Variants in TGFA observed in about 807,000 individuals in gnomAD.
TGFA encodes the protein transforming growth factor alpha.
Under a neutral mutation model 21.7 loss-of-function variants are expected in TGFA, and 12 were observed. That is an observed-to-expected ratio of 0.55 (90% CI 0.35 to 0.90). The LOEUF is 0.90. Among genes scored for constraint, TGFA ranks in the 40% least tolerant of loss-of-function variants. The pLI, the probability that TGFA is intolerant of heterozygous loss-of-function variation, is 0.01. For missense variants in TGFA, 178 were observed against 210.8 expected, an observed-to-expected ratio of 0.84 and a Z score of 0.96; for synonymous variants, 79 against 88.1, an observed-to-expected ratio of 0.90 and a Z score of 0.58.
chr2:70,460,382 T>TA (rs67107612), intron 3 of TGFA, among the ~76,000 whole-genome samples: 58,090 of 150,694 alleles, frequency 0.39, 12,962 homozygotes, highest in African/African-American at 0.62. Context: ...ATACTTTTTT[T>TA]AAAAAAAAAA....
At chr2:70,509,329 C>T (rs1189081256) in intron 2 of TGFA, among the ~76,000 whole-genome samples, 3 of 152,194 alleles carry the variant, frequency 2.0e-5, no homozygotes, top group Non-Finnish European at 4.4e-5. Flanking sequence ...GGCTGACACA[C>T]GTTCTACCTG....
chr2:70,456,455 C>T lies in TGFA; in HGVS notation c.249G>A (p.Glu83=), dbSNP rs1553490568. ...CCACCACGGCCAGGAGGTCCGCATGCTCACAGCGTGCACCAACGTACCCAG... is the reference window on the plus strand; with the variant it reads ...CCACCACGGCCAGGAGGTCCGCATGTTCACAGCGTGCACCAACGTACCCAG... ...CHSGYVGARC[E]HADLLAVVAA... is the part of the protein sequence containing the mutation. The change falls in exon 4 of 6, where the codon GAG becomes GAA. Residue 83 remains glutamate (E), a synonymous_variant. Transcript: ENST00000295400. 1 of 1,608,162 alleles carries T rather than the reference C, an allele frequency of 6.2e-7. No individual in the cohort carries two copies.
Position 70,460,392 on chromosome 2 carries a change from A to AC in TGFA, c.216-3905dup, listed in dbSNP as rs35369270. On this transcript the variant is annotated intron_variant, in intron 3 of 5. Transcript: ENST00000295400. ...GTGACATACTTTTTTTAAAAAAAAAACTTCCCAAGCTTCTACTAATATTAG... is the reference window on the plus strand; with the variant it reads ...GTGACATACTTTTTTTAAAAAAAAAACCTTCCCAAGCTTCTACTAATATTAG... Among the ~76,000 whole-genome samples the AC allele has an allele frequency of 2.6e-5, 4 of 151,506 alleles. No homozygotes were observed. The East Asian group carries it at 7.8e-4, about 29-fold the overall frequency.
chr2:70,474,419 G>A (rs1553493814), intron 2 of TGFA, among the ~76,000 whole-genome samples: 1 of 152,222 alleles, frequency 6.6e-6, no homozygotes, highest in Non-Finnish European at 1.5e-5. Flanking sequence ...AAATCACGCT[G>A]GCAGTGAGGA....
rs782472588 is a variant in TGFA at position 70,453,179 on chromosome 2, C to T, written c.475+39G>A. ...ACTTGGAGAAGGTGGTCGTTTTCTC[C>T]ACCCAATAGTGTCTCCCACCAGAGA... On this transcript the variant is annotated intron_variant, in intron 5 of 5. Coordinates refer to ENST00000295400, the MANE Select transcript of TGFA (RefSeq NM_003236.4). 9 of 1,565,848 alleles carry T rather than the reference C, an allele frequency of 5.7e-6. 1 individual carries two copies. The Admixed American group carries it at 1.4e-4, about 24-fold the overall frequency.
At chr2:70,517,156 G>A (rs1672307883) in intron 1 of TGFA, among the ~76,000 whole-genome samples, 1 of 152,240 alleles carries the variant, frequency 6.6e-6, no homozygotes, top group Non-Finnish European at 1.5e-5. Flanking sequence ...AACTCACAGA[G>A]GTGTTTTGGG....
chr2:70,448,311 A>T lies in TGFA; in HGVS notation c.*2548T>A, dbSNP rs782351348. 7.9e-5 allele frequency: 12 copies of T among 152,126 alleles called. No individual in the cohort carries two copies. Among genetic ancestry groups the T allele is most frequent in the African/African-American group, 2.7e-4 (11 of 41,414 alleles). 9.4% of individuals were successfully genotyped at this position (152,126 alleles called of 1,614,324 possible). A position where few individuals can be genotyped will look rare whatever the true frequency, so the allele number is the denominator to read the frequency against. ...ATAAGAGTATTGGAGGCCTTTTAAA[A>T]AATGTTTGTTATTTTTTTAAATGGG... is the stretch of plus-strand genomic sequence containing the variant. On this transcript the variant is annotated 3_prime_UTR_variant, in exon 6 of 6. Transcript: ENST00000295400.
At chr2:70,552,760 G>A (rs915852648) in intron 1 of TGFA, among the ~76,000 whole-genome samples, 1 of 152,216 alleles carries the variant, frequency 6.6e-6, no homozygotes, top group Admixed American at 6.5e-5. Flanking sequence ...TAACCACCCT[G>A]CAGCGAGCCG....
At chr2:70,495,140 T>A (rs1358967376) in intron 2 of TGFA, among the ~76,000 whole-genome samples, 1 of 152,226 alleles carries the variant, frequency 6.6e-6, no homozygotes, top group Non-Finnish European at 1.5e-5. Context: ...AGATTCTTTT[T>A]AAATGTTTAA....
At chr2:70,459,339 C>G (rs1232276723) in intron 3 of TGFA, among the ~76,000 whole-genome samples, 2 of 152,200 alleles carry the variant, frequency 1.3e-5, no homozygotes, top group Non-Finnish European at 2.9e-5. Context: ...CTCTTTTAAT[C>G]CCAGCAATCA....
rs547265754 is a variant in TGFA at position 70,528,524 on chromosome 2, C to T, written c.41-13612G>A. Among the ~76,000 whole-genome samples the T allele has an allele frequency of 4.7e-4, 16 of 34,324 alleles. No homozygotes were observed. The South Asian group carries it at 5.0e-3, about 11-fold the overall frequency. 22.5% of individuals were successfully genotyped at this position (34,324 alleles called of 152,430 possible). On this transcript the variant is annotated intron_variant, in intron 1 of 5. Coordinates refer to ENST00000295400, the MANE Select transcript of TGFA (RefSeq NM_003236.4). ...GGGAAGGGTAGAACGATGTGGGGGG[C>T]GGGTGGGTCTTCCAGAGAAGTCATC... is the stretch of plus-strand genomic sequence containing the variant.
chr2:70,532,458 A>G (rs1450057900), intron 1 of TGFA, among the ~76,000 whole-genome samples: 2 of 152,200 alleles, frequency 1.3e-5, no homozygotes, highest in East Asian at 1.9e-4. Context: ...CTTTGCCTCC[A>G]GCCTCTGGGG....
chr2:70,535,446 C>A (rs559442036), intron 1 of TGFA, among the ~76,000 whole-genome samples: 66 of 152,352 alleles, frequency 4.3e-4, no homozygotes, highest in African/African-American at 1.6e-3. Context: ...GCATCTCCCA[C>A]TTCGTGCTGA....
chr2:70,454,298 C>G lies in TGFA; in HGVS notation c.366-971G>C, dbSNP rs1670152616. On this transcript the variant is annotated intron_variant, in intron 4 of 5. Transcript: ENST00000295400. ...TCCCAGCCCCTGTCTTGGCACTGTC[C>G]TGCAGTGAGAAGCTGCAAAGGTTAC... Among the ~76,000 whole-genome samples the G allele has an allele frequency of 2.6e-5, 4 of 152,348 alleles. 1 individual carries two copies. In the South Asian group the frequency reaches 8.3e-4, roughly 32 times the overall value.
chr2:70,549,427 A>G (rs915251431), intron 1 of TGFA, among the ~76,000 whole-genome samples: 2 of 152,166 alleles, frequency 1.3e-5, no homozygotes, highest in African/African-American at 4.8e-5. Context: ...CATCAGCAAC[A>G]TACGCCACAC....
intron 1 of TGFA, among the ~76,000 whole-genome samples, chr2:70,543,693 T>C (rs1553505483): frequency 6.6e-6 from 1 of 152,102 alleles, no homozygotes; most frequent in African/African-American, 2.4e-5. Flanking sequence ...ACTCAAAAAG[T>C]AGAAAATTTG....
At chr2:70,532,249 C>T (rs1672831602) in intron 1 of TGFA, among the ~76,000 whole-genome samples, 1 of 152,206 alleles carries the variant, frequency 6.6e-6, no homozygotes, top group Admixed American at 6.5e-5. Context: ...AAAACCCAAA[C>T]CAGCACATAG....
At chr2:70,527,974 G>A (rs1008627896) in intron 1 of TGFA, among the ~76,000 whole-genome samples, 1 of 152,202 alleles carries the variant, frequency 6.6e-6, no homozygotes, top group Non-Finnish European at 1.5e-5. Context: ...CTTAGTCGTG[G>A]ATGAGCAGCC....
chr2:70,485,957 C>T (rs1671260469), intron 2 of TGFA, among the ~76,000 whole-genome samples: 1 of 152,182 alleles, frequency 6.6e-6, no homozygotes, highest in African/African-American at 2.4e-5. Context: ...CATATTTCCT[C>T]CTCCTGGAAC....
Sources: gnomAD v4.1 joint callset for allele counts (sites outside exome capture counted in the v4.1 genomes callset) on GRCh38, gnomAD v4.1.1 for gene constraint, MANE v1.5 for transcripts, NCBI Gene and HGNC (gene_info 2026-07-23, HGNC 2026-07-21) for gene names.